Variants in TBC1D14 observed in about 807,000 individuals in gnomAD.
TBC1D14 encodes the protein TBC1 domain family member 14.
Under a neutral mutation model 79.0 loss-of-function variants are expected in TBC1D14, and 26 were observed. The observed-to-expected ratio is 0.33, with a 90% CI of 0.24 to 0.46. TBC1D14 has a LOEUF of 0.46. Among genes scored for constraint, TBC1D14 ranks in the 20% least tolerant of loss-of-function variants. The pLI is 1.00. For synonymous variants in TBC1D14, 394 were observed against 349.9 expected, an observed-to-expected ratio of 1.13 and a Z score of -1.40; for missense variants, 769 against 887.6, an observed-to-expected ratio of 0.87 and a Z score of 1.70.
intron 9 of TBC1D14, among the ~76,000 whole-genome samples, chr4:7,009,087 CCACCTGTGGT>C (rs1391481191): frequency 2.0e-5 from 3 of 152,226 alleles, no homozygotes; most frequent in African/African-American, 7.2e-5. Flanking sequence ...CTTTTGTAAG[CCACCTGTGGT>C]CACCTGTGGA....
In TBC1D14 at chr4:7,006,843, G is replaced by A. The variant is rs759046655; in HGVS notation, c.1446+117G>A. 42 of 767,518 alleles carry A rather than the reference G, an allele frequency of 5.5e-5. 1 individual carries two copies. Among genetic ancestry groups the A allele is most frequent in the Non-Finnish European group, 8.7e-5 (41 of 471,482 alleles). 47.5% of individuals were successfully genotyped at this position (767,518 alleles called of 1,614,324 possible). On this transcript the variant is annotated intron_variant, in intron 9 of 13. Coordinates refer to ENST00000409757, the MANE Select transcript of TBC1D14 (RefSeq NM_020773.3). ...ACTTGGGTTTTTGGGGGTGTTAGGA[G>A]GTAGGGTGGATGTTACTATTAAATA...
intron 9 of TBC1D14, 22 bp downstream of exon 9, chr4:7,006,748 C>A: frequency 6.3e-7 from 1 of 1,594,882 alleles, no homozygotes; most frequent in South Asian, 1.1e-5. Context: ...TGACTTGTTG[C>A]TTTCAAGTAT....
At chr4:6,990,018 T>A (rs1718325339) in intron 3 of TBC1D14, among the ~76,000 whole-genome samples, 1 of 152,260 alleles carries the variant, frequency 6.6e-6, no homozygotes, top group African/African-American at 2.4e-5. Flanking sequence ...TTGAGACTCA[T>A]TGTACTGACA....
chr4:6,943,951 T>A (rs1713172596), intron 2 of TBC1D14, among the ~76,000 whole-genome samples: 1 of 152,238 alleles, frequency 6.6e-6, no homozygotes, highest in South Asian at 2.1e-4. Context: ...GTCTCCCATA[T>A]GGGGTCACAG....
intron 5 of TBC1D14, among the ~76,000 whole-genome samples, chr4:6,997,891 A>G (rs1719228902): frequency 6.6e-6 from 1 of 152,142 alleles, no homozygotes; most frequent in Non-Finnish European, 1.5e-5. Flanking sequence ...TTAGTATTTA[A>G]TGGGGGCAGT....
intron 9 of TBC1D14, chr4:7,007,427 A>C: frequency 1.5e-6 from 1 of 648,640 alleles, no homozygotes; most frequent in Non-Finnish European, 2.3e-6. Flanking sequence ...GGATCTTTTG[A>C]TCCCTTTCTT....
At chr4:6,911,178 T>C (rs905924937) in intron 1 of TBC1D14, among the ~76,000 whole-genome samples, 1 of 152,192 alleles carries the variant, frequency 6.6e-6, no homozygotes, top group African/African-American at 2.4e-5. Flanking sequence ...ACCAACCCTC[T>C]TACTGCTTCT....
At chr4:6,998,012 C>T (rs1403730429) in intron 5 of TBC1D14, among the ~76,000 whole-genome samples, 2 of 152,098 alleles carry the variant, frequency 1.3e-5, no homozygotes, top group African/African-American at 4.8e-5. Flanking sequence ...TTTGACCACA[C>T]ACACAAAAAA....
rs1412138297 is a variant in TBC1D14 at position 6,992,155 on chromosome 4, C to T, written c.844-2029C>T. On this transcript the variant is annotated intron_variant, in intron 3 of 13. Coordinates refer to ENST00000409757, the MANE Select transcript of TBC1D14 (RefSeq NM_020773.3). ...ACTCAGGGTGAGGCAGGCGGGGTTT[C>T]CCATTTTGCAGATGTGGAAAGAAGG... Among the ~76,000 whole-genome samples the T allele has an allele frequency of 3.9e-5, 6 of 152,166 alleles. No individual in the cohort carries two copies. The East Asian group carries it at 9.6e-4, about 24-fold the overall frequency.
intron 3 of TBC1D14, among the ~76,000 whole-genome samples, chr4:6,988,881 CTTTCTTTTTTTTTT>C (rs886223298): frequency 2.1e-5 from 2 of 93,574 alleles, no homozygotes; most frequent in African/African-American, 8.2e-5. Flanking sequence ...TTCTTTCTTT[CTTTCTTTTTTTTTT>C]TTTTTTTTTT....
At chr4:6,961,861 G>A (rs1715234274) in intron 2 of TBC1D14, among the ~76,000 whole-genome samples, 2 of 152,190 alleles carry the variant, frequency 1.3e-5, no homozygotes, top group Non-Finnish European at 2.9e-5. Context: ...AAGGAGGCTG[G>A]ACAGTGGGGA....
chr4:6,916,054 A>T (rs534446748), intron 1 of TBC1D14, among the ~76,000 whole-genome samples: 2 of 150,230 alleles, frequency 1.3e-5, no homozygotes, highest in African/African-American at 4.9e-5. Context: ...TGAACCCAGG[A>T]GGCAGAGGTT....
intron 3 of TBC1D14, chr4:6,987,489 G>T (rs555115880): frequency 1.3e-6 from 1 of 787,512 alleles, no homozygotes; most frequent in Non-Finnish European, 1.7e-6. Context: ...GGTTGTGCGG[G>T]TGTGCGAGCA....
At chr4:6,954,841 G>A (rs924457602) in intron 2 of TBC1D14, among the ~76,000 whole-genome samples, 2 of 152,268 alleles carry the variant, frequency 1.3e-5, no homozygotes, top group East Asian at 3.8e-4. Flanking sequence ...CTGGCCTTAA[G>A]TGATCCACCC....
intron 9 of TBC1D14, 144 bp from the exon 10 acceptor site, chr4:7,009,733 T>C: frequency 1.2e-6 from 1 of 819,042 alleles, no homozygotes; most frequent in Non-Finnish European, 2.1e-6. Flanking sequence ...CATATGCATA[T>C]AGAGCTGCTG....
chr4:7,005,307 G>A (rs894312344), intron 8 of TBC1D14, among the ~76,000 whole-genome samples: 16 of 151,880 alleles, frequency 1.1e-4, no homozygotes, highest in Admixed American at 2.6e-4. Flanking sequence ...AGGCTGAGGC[G>A]GGTGGATCAC....
At chr4:6,991,977 T>C (rs1718549304) in intron 3 of TBC1D14, among the ~76,000 whole-genome samples, 1 of 152,204 alleles carries the variant, frequency 6.6e-6, no homozygotes, top group Non-Finnish European at 1.5e-5. Context: ...TCCTAGATTG[T>C]TGTTTGGCAC....
chr4:6,947,497 CAA>C (rs35832243), intron 2 of TBC1D14, among the ~76,000 whole-genome samples: 236 of 139,792 alleles, frequency 1.7e-3, no homozygotes, highest in Non-Finnish European at 1.7e-3. Context: ...GACCCTGTCT[CAA>C]AAAAAAAAAA....
At chr4:6,956,834 G>T (rs3892977) in intron 2 of TBC1D14, among the ~76,000 whole-genome samples, 2,321 of 152,328 alleles carry the variant, frequency 0.015, 16 homozygotes, top group Middle Eastern at 0.037. Flanking sequence ...TCAGGTGTGG[G>T]GGCCTTCTCA....
Sources: gnomAD v4.1 joint callset for allele counts (sites outside exome capture counted in the v4.1 genomes callset) on GRCh38, gnomAD v4.1.1 for gene constraint, MANE v1.5 for transcripts, NCBI Gene and HGNC (gene_info 2026-07-23, HGNC 2026-07-21) for gene names.